Variants in SEL1L2 observed in about 807,000 individuals in gnomAD.
The protein encoded by SEL1L2 is protein sel-1 homolog 2.
In SEL1L2, 89 loss-of-function variants were observed where a neutral mutation model predicts 98.8. The observed-to-expected ratio is 0.90, with a 90% CI of 0.76 to 1.07. The LOEUF is 1.07. Ranked by LOEUF, SEL1L2 falls within the 50% of genes least tolerant of loss-of-function variation. The pLI, the probability that SEL1L2 is intolerant of heterozygous loss-of-function variation, is 0.00. For missense variants in SEL1L2, 788 were observed against 812.0 expected (o/e 0.97, Z 0.36); for synonymous variants, 262 against 278.5 (o/e 0.94, Z 0.59).
At chr20:13,852,383 C>T (rs995240644) in intron 18 of SEL1L2, among the ~76,000 whole-genome samples, 21 of 152,114 alleles carry the variant, frequency 1.4e-4, no homozygotes, top group African/African-American at 5.1e-4. Flanking sequence ...TTTAAAATTC[C>T]CAGAGAAGGA....
At chr20:13,990,640 A>C, upstream of SEL1L2, 1 of 836,040 alleles carries the variant, frequency 1.2e-6, no homozygotes, top group East Asian at 2.6e-5. Flanking sequence ...GTCAGTTGCT[A>C]AGCAACCATT....
At chr20:13,889,485 T>C (rs1297518719) in intron 5 of SEL1L2, among the ~76,000 whole-genome samples, 1 of 152,136 alleles carries the variant, frequency 6.6e-6, no homozygotes, top group African/African-American at 2.4e-5. Flanking sequence ...ACGAAATATT[T>C]TTCCTTCAAT....
intron 3 of SEL1L2, among the ~76,000 whole-genome samples, chr20:13,926,416 G>A (rs1010435123): frequency 1.8e-4 from 27 of 152,130 alleles, no homozygotes; most frequent in African/African-American, 5.8e-4. Flanking sequence ...ACTGCGATGC[G>A]GGCTCACTTG....
intron 10 of SEL1L2, among the ~76,000 whole-genome samples, chr20:13,880,365 T>C (rs1309776710): frequency 6.6e-6 from 1 of 152,178 alleles, no homozygotes; most frequent in Non-Finnish European, 1.5e-5. Context: ...AATGATTTGA[T>C]AAAGACCTAA....
rs529769992 is a variant in SEL1L2, at chr20:13,956,171, T to C, written c.59-40A>G. 5.0e-4 allele frequency: 548 copies of C among 1,099,860 alleles called. 6 individuals are homozygous for C. In the South Asian group the frequency reaches 8.1e-3, roughly 16 times the overall value. The allele number at this position is 1,099,860 out of a possible 1,614,324, so 68.1% of individuals were successfully genotyped here. ...ATTTTTTTATAAAATTTAAAAGCAT[T>C]TTCTTTTTAAAATTTCACTAAATAC... On this transcript the variant is annotated intron_variant, in intron 1 of 19. Transcript: ENST00000284951.
intron 3 of SEL1L2, among the ~76,000 whole-genome samples, chr20:13,929,487 C>CCT (rs2049036682): frequency 1.4e-5 from 1 of 73,316 alleles, no homozygotes; most frequent in Admixed American, 2.4e-4. Context: ...TTGCCTTTGC[C>CCT]TTTTTTTTTT....
chr20:13,884,310 T>A (rs2046843323), intron 10 of SEL1L2, among the ~76,000 whole-genome samples: 1 of 148,448 alleles, frequency 6.7e-6, no homozygotes, highest in Admixed American at 6.7e-5. Context: ...AAATCATCTT[T>A]AAAAAAAAAA....
At chr20:13,929,795 G>A (rs145090482) in intron 3 of SEL1L2, among the ~76,000 whole-genome samples, 22 of 143,786 alleles carry the variant, frequency 1.5e-4, no homozygotes, top group African/African-American at 4.4e-4. Context: ...CCACGTGCCC[G>A]GCCTTTTTTT....
intron 12 of SEL1L2, among the ~76,000 whole-genome samples, chr20:13,874,652 C>T (rs2046355271): frequency 6.6e-6 from 1 of 152,148 alleles, no homozygotes; most frequent in African/African-American, 2.4e-5. Context: ...CAGATAACTG[C>T]CTTTCTGAGC....
intron 3 of SEL1L2, among the ~76,000 whole-genome samples, chr20:13,930,538 C>T (rs1666060156): frequency 6.6e-6 from 1 of 152,204 alleles, no homozygotes; most frequent in Non-Finnish European, 1.5e-5. Flanking sequence ...TTGTTTCCTG[C>T]CAAATCCCTA....
intron 3 of SEL1L2, among the ~76,000 whole-genome samples, chr20:13,923,895 G>T (rs777740259): frequency 6.6e-6 from 1 of 152,050 alleles, no homozygotes; most frequent in Non-Finnish European, 1.5e-5. Context: ...GAATCTACCA[G>T]TTTCTAAGAG....
intron 1 of SEL1L2, among the ~76,000 whole-genome samples, chr20:13,963,076 AG>A (rs1216110369): frequency 3.1e-5 from 4 of 129,866 alleles, no homozygotes; most frequent in South Asian, 2.9e-4. Context: ...AAAAAAAAAA[AG>A]AAGAGGAAGA....
At chr20:13,929,487 CTT>C (rs747948529) in intron 3 of SEL1L2, among the ~76,000 whole-genome samples, 8 of 73,318 alleles carry the variant, frequency 1.1e-4, no homozygotes, top group Admixed American at 2.4e-4. Context: ...TTGCCTTTGC[CTT>C]TTTTTTTTTT....
At chr20:13,965,139 G>GTACTA (rs2050981026) in intron 1 of SEL1L2, among the ~76,000 whole-genome samples, 1 of 151,778 alleles carries the variant, frequency 6.6e-6, no homozygotes, top group Non-Finnish European at 1.5e-5. Flanking sequence ...AAGGGATACT[G>GTACTA]ATTCCCACAT....
chr20:13,890,578 A>C (rs2047162956), intron 5 of SEL1L2, among the ~76,000 whole-genome samples: 1 of 152,128 alleles, frequency 6.6e-6, no homozygotes, highest in Non-Finnish European at 1.5e-5. Context: ...TAAGTGCACA[A>C]ATCGTAGCAA....
At chr20:13,898,861 C>G (rs1166951865) in intron 5 of SEL1L2, among the ~76,000 whole-genome samples, 5 of 152,044 alleles carry the variant, frequency 3.3e-5, no homozygotes, top group Non-Finnish European at 5.9e-5. Context: ...TCCTGCCTCA[C>G]CCTCCCGAGT....
intron 3 of SEL1L2, among the ~76,000 whole-genome samples, chr20:13,924,117 A>G (rs1430307536): frequency 6.6e-6 from 1 of 152,166 alleles, no homozygotes; most frequent in Non-Finnish European, 1.5e-5. Context: ...TGAAGTTAAT[A>G]TGAGCTTTCT....
At position 13,982,289 on chromosome 20, in the gene SEL1L2, T is replaced by A. The variant is rs114277813; in HGVS notation, c.58+8188A>T. On this transcript the variant is annotated intron_variant, in intron 1 of 19. Transcript: ENST00000284951. ...ATTTTGGGAGGCTGACGCAGGAGGA[T>A]CGTTTGAGCTCAGGAGTTCAAGACC... Among the ~76,000 whole-genome samples the A allele has an allele frequency of 5.8e-3, 888 of 152,032 alleles. 8 individuals are homozygous for A. The highest frequency in any genetic ancestry group is 0.021 in the African/African-American group (861 of 41,472).
rs965923084 is a variant in SEL1L2 at position 13,914,648 on chromosome 20, C to T, written c.387-704G>A. On this transcript the variant is annotated intron_variant, in intron 4 of 19. Coordinates refer to ENST00000284951, the MANE Select transcript of SEL1L2 (RefSeq NM_025229.2). ...GGGGATAGCATTATAGCACCCACTT[C>T]ATAGGGTTGCTGTGGAGATTAAATG... Among the ~76,000 whole-genome samples the T allele has an allele frequency of 8.5e-5, 13 of 152,300 alleles. No homozygotes were observed. In the South Asian group the frequency reaches 1.5e-3, roughly 17 times the overall value.
Sources: allele counts gnomAD v4.1 joint callset (sites outside exome capture counted in the v4.1 genomes callset), GRCh38; gene constraint gnomAD v4.1.1; transcripts MANE v1.5; gene names NCBI Gene and HGNC (gene_info 2026-07-23, HGNC 2026-07-21).